The following TMTC1 variants were observed in gnomAD, a reference collection of about 807,000 sequenced individuals.
TMTC1 encodes transmembrane O-mannosyltransferase targeting cadherins 1.
In TMTC1, 73 loss-of-function variants were observed where a neutral mutation model predicts 104.8. The observed-to-expected ratio is 0.70, with a 90% CI of 0.58 to 0.85. The LOEUF is 0.85. TMTC1 is among the 40% of genes least tolerant of loss of function. The pLI, the probability that TMTC1 is intolerant of heterozygous loss-of-function variation, is 0.00. For synonymous variants in TMTC1, 434 were observed against 428.7 expected (o/e 1.01, Z -0.15); for missense variants, 1,035 against 1,096.1 (o/e 0.94, Z 0.79).
chr12:29,682,223 A>G (rs1176561588), intron 5 of TMTC1, among the ~76,000 whole-genome samples: 1 of 152,216 alleles, frequency 6.6e-6, no homozygotes, highest in Admixed American at 6.5e-5. Flanking sequence ...CACCTACTAG[A>G]ACAGCTAAAA....
At chr12:29,687,103 T>C (rs76212574) in intron 5 of TMTC1, among the ~76,000 whole-genome samples, 21,054 of 152,106 alleles carry the variant, frequency 0.14, 1,739 homozygotes, top group East Asian at 0.34. Flanking sequence ...CGCAAGAAAA[T>C]AGTGGATTTT....
intron 6 of TMTC1, among the ~76,000 whole-genome samples, chr12:29,627,088 C>T (rs544751032): frequency 2.6e-5 from 4 of 151,442 alleles, no homozygotes; most frequent in African/African-American, 9.7e-5. Flanking sequence ...GTAACAAGAG[C>T]GAAACTCCAT....
At chr12:29,560,030 G>A (rs568894449) in intron 9 of TMTC1, among the ~76,000 whole-genome samples, 13 of 152,276 alleles carry the variant, frequency 8.5e-5, no homozygotes, top group South Asian at 4.1e-4. Context: ...ATAAATTTGC[G>A]TTTGAATTAG....
At chr12:29,772,568 AGCC>A (rs1300910460) in intron 1 of TMTC1, among the ~76,000 whole-genome samples, 1 of 152,236 alleles carries the variant, frequency 6.6e-6, no homozygotes, top group Non-Finnish European at 1.5e-5. Flanking sequence ...CTCTAAGATC[AGCC>A]TGACCCTTTT....
In TMTC1 at chr12:29,530,239, G is replaced by T. The variant is rs1944464404; in HGVS notation, c.1785+5970C>A. On this transcript the variant is annotated intron_variant, in intron 11 of 17. Coordinates refer to ENST00000539277, the MANE Select transcript of TMTC1 (RefSeq NM_001193451.2). The stretch of plus-strand genomic sequence containing the variant: ...TCAATTCCCAGCTATGACCAGAGAG[G>T]TAAGGTCACTCAATCATTATACCCA... 2.6e-5 allele frequency among the ~76,000 whole-genome samples: 4 copies of T among 152,264 alleles called. No individual in the cohort carries two copies. The South Asian group carries it at 8.3e-4, about 32-fold the overall frequency.
chr12:29,629,390 A>G (rs564223741), intron 6 of TMTC1, among the ~76,000 whole-genome samples: 27 of 152,066 alleles, frequency 1.8e-4, no homozygotes, highest in African/African-American at 5.8e-4. Context: ...CTGCCCTCCC[A>G]TATCGAGCCA....
chr12:29,691,406 A>G (rs1211988054), intron 5 of TMTC1, among the ~76,000 whole-genome samples: 4 of 152,120 alleles, frequency 2.6e-5, no homozygotes, highest in Admixed American at 2.6e-4. Flanking sequence ...TTATCCTTAA[A>G]AACTCAGGTC....
chr12:29,707,944 C>T (rs1382329743), intron 5 of TMTC1, among the ~76,000 whole-genome samples: 5 of 152,218 alleles, frequency 3.3e-5, no homozygotes, highest in Non-Finnish European at 7.3e-5. Context: ...CCAAGTCAGA[C>T]ACTCAAATTT....
Position 29,755,969 on chromosome 12 carries a change from T to C in TMTC1, c.555-84A>G, listed in dbSNP as rs545764194. The C allele has an allele frequency of 2.3e-4, 320 of 1,376,942 alleles. 2 individuals are homozygous for C. Among genetic ancestry groups the C allele is most frequent in the Non-Finnish European group, 7.2e-5 (73 of 1,011,190 alleles). 85.3% of individuals were successfully genotyped at this position (1,376,942 alleles called of 1,614,324 possible). A position where few individuals can be genotyped will look rare whatever the true frequency, so the allele number is the denominator to read the frequency against. ...GCCACCTCTTAAAGATAAGATCTAATGTCAATTTCATTGCATTCTAAGTAA... is the reference window on the plus strand; with the variant it reads ...GCCACCTCTTAAAGATAAGATCTAACGTCAATTTCATTGCATTCTAAGTAA... On this transcript the variant is annotated intron_variant, in intron 3 of 17. Transcript: ENST00000539277.
At chr12:29,573,419 A>G (rs1485745234) in intron 8 of TMTC1, among the ~76,000 whole-genome samples, 14 of 152,210 alleles carry the variant, frequency 9.2e-5, no homozygotes, top group Admixed American at 9.2e-4. Context: ...TATCATCTAC[A>G]TAGTGTCCCT....
intron 9 of TMTC1, among the ~76,000 whole-genome samples, chr12:29,565,339 C>A (rs1028566124): frequency 6.6e-6 from 1 of 152,152 alleles, no homozygotes; most frequent in Non-Finnish European, 1.5e-5. Context: ...TTTGTAGGAA[C>A]ATCTAGAATA....
At chr12:29,701,081 C>G (rs1941578117) in intron 5 of TMTC1, among the ~76,000 whole-genome samples, 1 of 149,978 alleles carries the variant, frequency 6.7e-6, no homozygotes, top group African/African-American at 2.5e-5. Flanking sequence ...GCTCTGCTGA[C>G]TGAGAGTCTT....
chr12:29,653,423 C>A (rs1939613889), intron 5 of TMTC1, among the ~76,000 whole-genome samples: 1 of 152,122 alleles, frequency 6.6e-6, no homozygotes, highest in Non-Finnish European at 1.5e-5. Context: ...AGGAAGCAGT[C>A]ATCAGCAATC....
chr12:29,680,063 G>A (rs1286017232), intron 5 of TMTC1, among the ~76,000 whole-genome samples: 3 of 151,972 alleles, frequency 2.0e-5, no homozygotes, highest in Non-Finnish European at 4.4e-5. Flanking sequence ...GAGACTTCTG[G>A]GAGTAATGTG....
In TMTC1 at chr12:29,759,921, A is replaced by G. The variant is rs1037036196; in HGVS notation, c.481-1144T>C. Among the ~76,000 whole-genome samples the G allele has an allele frequency of 2.9e-4, 44 of 152,230 alleles. 1 individual carries two copies. The highest frequency in any genetic ancestry group is 8.0e-4 in the African/African-American group (33 of 41,476). The stretch of plus-strand genomic sequence containing the variant: ...ATGAAATCCATGAGTCCATACTAAT[A>G]ATAAATACAGCTATGCATTCAATAA... On this transcript the variant is annotated intron_variant, in intron 2 of 17. Transcript: ENST00000539277.
In TMTC1 at chr12:29,512,191, C is replaced by T. The variant is rs34128328; in HGVS notation, c.2431-71G>A. ...ACTCCAGGATTGCAGAAACCACTTT[C>T]TTCACGTGTGAAAATTTAAAGTAGT... is the stretch of plus-strand genomic sequence containing the variant. On this transcript the variant is annotated intron_variant, in intron 16 of 17. Coordinates refer to ENST00000539277, the MANE Select transcript of TMTC1 (RefSeq NM_001193451.2). 8.5e-3 allele frequency: 10,937 copies of T among 1,283,926 alleles called. 54 individuals carry two copies. The highest frequency in any genetic ancestry group is 0.011 in the Non-Finnish European group (9,836 of 923,008). The allele number at this position is 1,283,926 out of a possible 1,614,324, so 79.5% of individuals were successfully genotyped here.
intron 5 of TMTC1, among the ~76,000 whole-genome samples, chr12:29,663,444 T>C (rs1307690236): frequency 3.3e-5 from 5 of 152,166 alleles, no homozygotes; most frequent in Admixed American, 2.6e-4. Context: ...TTTAACATAG[T>C]GGAAAAATTA....
At chr12:29,532,940 G>A (rs1187252256) in intron 11 of TMTC1, 2 of 152,002 alleles carry the variant, frequency 1.3e-5, no homozygotes, top group Non-Finnish European at 2.9e-5. Context: ...TTTACATGCT[G>A]ACAGTCCCTA....
At chr12:29,526,981 T>C (rs1220580972) in intron 11 of TMTC1, among the ~76,000 whole-genome samples, 1 of 152,178 alleles carries the variant, frequency 6.6e-6, no homozygotes, top group East Asian at 1.9e-4. Context: ...TAGTTTAACA[T>C]GTCAAATAAG....
Sources: allele counts gnomAD v4.1 joint callset (sites outside exome capture counted in the v4.1 genomes callset), GRCh38; gene constraint gnomAD v4.1.1; transcripts MANE v1.5; gene names NCBI Gene and HGNC (gene_info 2026-07-23, HGNC 2026-07-21).